The following AGBL4 variants were observed in gnomAD, a reference collection of about 807,000 sequenced individuals.
The protein encoded by AGBL4 is AGBL carboxypeptidase 4, also known as cytosolic carboxypeptidase 6.
Under a neutral mutation model 66.4 loss-of-function variants are expected in AGBL4, and 58 were observed. The ratio of observed to expected loss-of-function variants is 0.87; its 90% CI spans 0.71 to 1.09. The LOEUF (loss-of-function observed/expected upper bound fraction) is 1.09. Among genes scored for constraint, AGBL4 ranks in the 50% least tolerant of loss-of-function variants. The pLI is 0.00. For synonymous variants in AGBL4, 234 were observed against 222.9 expected (o/e 1.05, Z -0.44); for missense variants, 579 against 631.0 (o/e 0.92, Z 0.88).
chr1:48,610,110 T>C (rs192603994), intron 9 of AGBL4, among the ~76,000 whole-genome samples: 53 of 152,334 alleles, frequency 3.5e-4, no homozygotes, highest in Admixed American at 3.3e-3. Context: ...GGATTAGAGA[T>C]AATGTAAAAA....
chr1:49,487,949 A>G (rs1413184901), intron 3 of AGBL4, among the ~76,000 whole-genome samples: 3 of 151,940 alleles, frequency 2.0e-5, no homozygotes, highest in Admixed American at 6.6e-5. Context: ...CAAGTGCTCC[A>G]ATACGTAAAC....
intron 3 of AGBL4, among the ~76,000 whole-genome samples, chr1:49,394,550 A>G (rs981710083): frequency 6.6e-6 from 1 of 152,158 alleles, no homozygotes; most frequent in Non-Finnish European, 1.5e-5. Context: ...TTAATATTTT[A>G]AAACTTAAAT....
chr1:49,521,466 G>C (rs1329729374), intron 3 of AGBL4, among the ~76,000 whole-genome samples: 7 of 151,866 alleles, frequency 4.6e-5, no homozygotes, highest in Non-Finnish European at 8.8e-5. Context: ...CACACCTATA[G>C]AACAGAATAG....
At chr1:48,719,871 C>T (rs1360163129) in intron 6 of AGBL4, among the ~76,000 whole-genome samples, 1 of 152,150 alleles carries the variant, frequency 6.6e-6, no homozygotes, top group East Asian at 1.9e-4. Context: ...AGCCCATAGT[C>T]ACATTCTGAC....
In AGBL4 at chr1:49,927,996, G is replaced by C. The variant is rs938299183; in HGVS notation, c.35-76478C>G. Among the ~76,000 whole-genome samples, 7 of 152,210 alleles carry C rather than the reference G, an allele frequency of 4.6e-5. 1 individual carries two copies. The South Asian group carries it at 6.2e-4, about 14-fold the overall frequency. On this transcript the variant is annotated intron_variant, in intron 1 of 13. Transcript: ENST00000371839. ...GTTAGAGAAAATATTGTACATATTAGATAGACATATGGGAATGTACAAAAG... is the reference window on the plus strand; with the variant it reads ...GTTAGAGAAAATATTGTACATATTACATAGACATATGGGAATGTACAAAAG...
chr1:49,008,160 C>A (rs1471767344), intron 5 of AGBL4, among the ~76,000 whole-genome samples: 3 of 151,100 alleles, frequency 2.0e-5, no homozygotes, highest in African/African-American at 7.3e-5. Context: ...CACATAGGCT[C>A]AAAATAAAAG....
intron 6 of AGBL4, among the ~76,000 whole-genome samples, chr1:48,707,495 T>C (rs1417074816): frequency 6.6e-6 from 1 of 152,140 alleles, no homozygotes; most frequent in African/African-American, 2.4e-5. Context: ...AATCAACACA[T>C]GCCTTGGGCA....
intron 4 of AGBL4, among the ~76,000 whole-genome samples, chr1:49,047,330 G>A (rs770078985): frequency 6.6e-6 from 1 of 152,168 alleles, no homozygotes; most frequent in Non-Finnish European, 1.5e-5. Flanking sequence ...TAGATATGCA[G>A]TCTAAGCAAC....
chr1:49,225,476 C>G (rs1649843166), intron 4 of AGBL4, among the ~76,000 whole-genome samples: 1 of 152,166 alleles, frequency 6.6e-6, no homozygotes, highest in Non-Finnish European at 1.5e-5. Context: ...GAAGCCATTA[C>G]ACAGGCTTCC....
intron 3 of AGBL4, among the ~76,000 whole-genome samples, chr1:49,325,982 T>C (rs1645222209): frequency 6.6e-6 from 1 of 152,200 alleles, no homozygotes; most frequent in South Asian, 2.1e-4. Flanking sequence ...GGAGCTGCTA[T>C]GCTTCCTGTA....
At chr1:49,204,191 C>T (rs1003048733) in intron 4 of AGBL4, among the ~76,000 whole-genome samples, 1 of 152,132 alleles carries the variant, frequency 6.6e-6, no homozygotes, top group Non-Finnish European at 1.5e-5. Context: ...ATCTAAAGAA[C>T]CAAATCTTGG....
chr1:49,991,109 A>G (rs943598408), intron 1 of AGBL4, among the ~76,000 whole-genome samples: 1 of 152,190 alleles, frequency 6.6e-6, no homozygotes, highest in Non-Finnish European at 1.5e-5. Flanking sequence ...GTGAAGCCAA[A>G]CAGGGAGATT....
At chr1:49,467,244 GA>G (rs1171915237) in intron 3 of AGBL4, among the ~76,000 whole-genome samples, 1 of 151,780 alleles carries the variant, frequency 6.6e-6, no homozygotes, top group Non-Finnish European at 1.5e-5. Context: ...GCCAGAAATA[GA>G]ACTATAAATA....
intron 3 of AGBL4, among the ~76,000 whole-genome samples, chr1:49,574,426 C>T (rs1045263639): frequency 1.4e-4 from 21 of 152,210 alleles, no homozygotes; most frequent in African/African-American, 4.6e-4. Context: ...CCTGATCTCC[C>T]TTGGTTTAAC....
chr1:49,666,982 C>G (rs1646384049), intron 3 of AGBL4, among the ~76,000 whole-genome samples: 1 of 152,078 alleles, frequency 6.6e-6, no homozygotes, highest in South Asian at 2.1e-4. Context: ...ATAAGAAGAC[C>G]TGGATTATTG....
chr1:49,186,117 C>T (rs1286265149), intron 4 of AGBL4, among the ~76,000 whole-genome samples: 1 of 152,138 alleles, frequency 6.6e-6, no homozygotes, highest in Non-Finnish European at 1.5e-5. Context: ...TGTCTTTTCT[C>T]ATCCTTCATA....
At chr1:49,958,242 T>C (rs577138584) in intron 1 of AGBL4, among the ~76,000 whole-genome samples, 3 of 152,262 alleles carry the variant, frequency 2.0e-5, no homozygotes, top group African/African-American at 7.2e-5. Flanking sequence ...ATTAGTCTGA[T>C]GGGCTTTCCT....
At chr1:49,830,920 A>C (rs997087170) in intron 2 of AGBL4, among the ~76,000 whole-genome samples, 2 of 151,974 alleles carry the variant, frequency 1.3e-5, no homozygotes, top group African/African-American at 4.8e-5. Flanking sequence ...ATGGTTGTAG[A>C]TGTGTGGTGT....
intron 3 of AGBL4, among the ~76,000 whole-genome samples, chr1:49,384,441 A>T (rs2148581093): frequency 6.6e-6 from 1 of 152,008 alleles, no homozygotes; most frequent in Admixed American, 6.6e-5. Flanking sequence ...AAAAATACAA[A>T]AATTAGCTGG....
Sources: allele counts gnomAD v4.1 joint callset (sites outside exome capture counted in the v4.1 genomes callset), GRCh38; gene constraint gnomAD v4.1.1; transcripts MANE v1.5; gene names NCBI Gene and HGNC (gene_info 2026-07-23, HGNC 2026-07-21).